KIAA0825: variants seen among roughly 807,000 people sequenced by gnomAD.
KIAA0825 encodes uncharacterized protein KIAA0825.
Under a neutral mutation model 147.6 loss-of-function variants are expected in KIAA0825, and 119 were observed. That is an observed-to-expected ratio of 0.81 (90% CI 0.69 to 0.94). The LOEUF is 0.94. KIAA0825 is among the 40% of genes least tolerant of loss of function. KIAA0825 has a pLI of 0.00. For missense variants in KIAA0825, 1,381 were observed against 1,472.7 expected (o/e 0.94, Z 1.02); for synonymous variants, 470 against 518.1 (o/e 0.91, Z 1.26).
chr5:94,444,573 G>A (rs146924288), intron 13 of KIAA0825, among the ~76,000 whole-genome samples: 427 of 151,476 alleles, frequency 2.8e-3, no homozygotes, highest in Middle Eastern at 0.01. Flanking sequence ...GACCCCACTG[G>A]GCAAGTAACA....
chr5:94,405,369 C>T (rs1236559396), intron 15 of KIAA0825, among the ~76,000 whole-genome samples: 1 of 151,952 alleles, frequency 6.6e-6, no homozygotes, highest in Non-Finnish European at 1.5e-5. Flanking sequence ...TAAAGAATAA[C>T]CTAATGTGGC....
chr5:94,163,045 A>G (rs1236748516), intron 20 of KIAA0825, among the ~76,000 whole-genome samples: 1 of 152,170 alleles, frequency 6.6e-6, no homozygotes, highest in East Asian at 1.9e-4. Flanking sequence ...TTGTATCACT[A>G]TTTGTTTCTT....
intron 14 of KIAA0825, among the ~76,000 whole-genome samples, chr5:94,424,449 A>G (rs1396253222): frequency 1.3e-5 from 2 of 152,164 alleles, no homozygotes; most frequent in Non-Finnish European, 2.9e-5. Context: ...AATTAAAGAG[A>G]AAATTTAAAA....
intron 13 of KIAA0825, among the ~76,000 whole-genome samples, chr5:94,450,928 T>C (rs376890867): frequency 6.6e-6 from 1 of 152,172 alleles, no homozygotes; most frequent in Non-Finnish European, 1.5e-5. Context: ...GAGCTTAAGC[T>C]TTAGAATAGA....
intron 20 of KIAA0825, among the ~76,000 whole-genome samples, chr5:94,275,471 A>T (rs1005601448): frequency 3.9e-5 from 6 of 152,168 alleles, no homozygotes; most frequent in Non-Finnish European, 7.4e-5. Context: ...TTAAAGAAGT[A>T]GCAACCTCTC....
At chr5:94,551,879 T>C (rs538048480) in intron 2 of KIAA0825, among the ~76,000 whole-genome samples, 42 of 151,908 alleles carry the variant, frequency 2.8e-4, no homozygotes, top group Admixed American at 2.0e-3. Flanking sequence ...AAAAAATATA[T>C]ACAAATAAAC....
intron 13 of KIAA0825, among the ~76,000 whole-genome samples, chr5:94,449,956 T>G (rs1758194037): frequency 6.6e-6 from 1 of 151,972 alleles, no homozygotes; most frequent in South Asian, 2.1e-4. Flanking sequence ...GGCACGTGCC[T>G]GTAATCCCAG....
intron 13 of KIAA0825, among the ~76,000 whole-genome samples, chr5:94,444,862 C>T (rs879264236): frequency 5.9e-5 from 9 of 151,870 alleles, no homozygotes; most frequent in African/African-American, 1.5e-4. Context: ...CTCAATGACC[C>T]CATGTATTAA....
At chr5:94,292,080 C>G (rs1345401292) in intron 20 of KIAA0825, among the ~76,000 whole-genome samples, 3 of 152,128 alleles carry the variant, frequency 2.0e-5, no homozygotes, top group Non-Finnish European at 4.4e-5. Context: ...TTCTCTCTTC[C>G]TATTTGAATA....
intron 3 of KIAA0825, among the ~76,000 whole-genome samples, chr5:94,536,408 T>C (rs1772025674): frequency 1.3e-5 from 2 of 152,204 alleles, no homozygotes; most frequent in Non-Finnish European, 2.9e-5. Context: ...TGCAAATAAG[T>C]AACTGCCTGA....
intron 13 of KIAA0825, among the ~76,000 whole-genome samples, chr5:94,452,718 A>C (rs2150908711): frequency 6.6e-6 from 1 of 152,312 alleles, no homozygotes; most frequent in African/African-American, 2.4e-5. Context: ...AAATTCCAAA[A>C]ATTTACAGTT....
chr5:94,607,916 T>C (rs1310298101), intron 1 of KIAA0825, among the ~76,000 whole-genome samples: 1 of 152,144 alleles, frequency 6.6e-6, no homozygotes, highest in African/African-American at 2.4e-5. Context: ...ATGGATTGAG[T>C]CTTTTTCCCA....
intron 20 of KIAA0825, among the ~76,000 whole-genome samples, chr5:94,169,339 T>G (rs1283272621): frequency 6.6e-6 from 1 of 152,114 alleles, no homozygotes; most frequent in Non-Finnish European, 1.5e-5. Flanking sequence ...CTCAGCACTT[T>G]GGGAGGCTGA....
At chr5:94,473,228 T>C (rs1198542811) in intron 8 of KIAA0825, 64 bp downstream of exon 8, 4 of 1,295,126 alleles carry the variant, frequency 3.1e-6, no homozygotes, top group Non-Finnish European at 4.3e-6. Context: ...CTTTTTGCAA[T>C]GCCTTATACT....
chr5:94,599,956 G>A (rs912965961), intron 1 of KIAA0825, among the ~76,000 whole-genome samples: 3 of 152,166 alleles, frequency 2.0e-5, no homozygotes, highest in Non-Finnish European at 4.4e-5. Context: ...AAAAAAGGGG[G>A]GAACTAGTAC....
intron 2 of KIAA0825, among the ~76,000 whole-genome samples, chr5:94,566,923 G>A (rs973653973): frequency 6.6e-5 from 10 of 151,832 alleles, no homozygotes; most frequent in Non-Finnish European, 1.0e-4. Context: ...GCATTTCTTT[G>A]ACCAAAAATT....
intron 20 of KIAA0825, among the ~76,000 whole-genome samples, chr5:94,219,969 T>C (rs1374009646): frequency 1.3e-5 from 2 of 152,334 alleles, no homozygotes; most frequent in Middle Eastern, 3.4e-3. Context: ...AAATTAACCT[T>C]AGCTTACTGT....
intron 5 of KIAA0825, among the ~76,000 whole-genome samples, chr5:94,493,769 T>C (rs1000209971): frequency 2.0e-5 from 3 of 152,086 alleles, no homozygotes; most frequent in Non-Finnish European, 4.4e-5. Flanking sequence ...ATTACAGGGG[T>C]GAGTCACCGC....
At chr5:94,485,292 G>A (rs1762917380) in intron 5 of KIAA0825, among the ~76,000 whole-genome samples, 2 of 151,134 alleles carry the variant, frequency 1.3e-5, no homozygotes, top group Non-Finnish European at 3.0e-5. Context: ...CCAAATTGAG[G>A]GACAGTCTAC....
Sources: gnomAD v4.1 joint callset for allele counts (sites outside exome capture counted in the v4.1 genomes callset) on GRCh38, gnomAD v4.1.1 for gene constraint, MANE v1.5 for transcripts, NCBI Gene and HGNC (gene_info 2026-07-23, HGNC 2026-07-21) for gene names.